Variants in PDE4D observed in about 807,000 individuals in gnomAD.
PDE4D encodes 3',5'-cyclic-AMP phosphodiesterase 4D.
PDE4D carries 24 observed loss-of-function variants against 87.4 expected under a neutral mutation model. The ratio of observed to expected loss-of-function variants is 0.27; its 90% CI spans 0.20 to 0.39. The LOEUF is 0.39. PDE4D is among the 10% of genes least tolerant of loss of function. The pLI, the probability that PDE4D is intolerant of heterozygous loss-of-function variation, is 1.00. For missense variants in PDE4D, 714 were observed against 1,041.0 expected (o/e 0.69, Z 4.32); for synonymous variants, 384 against 383.2 (o/e 1.00, Z -0.02).
chr5:60,263,020 C>G (rs932106159), intron 1 of PDE4D, among the ~76,000 whole-genome samples: 1 of 152,206 alleles, frequency 6.6e-6, no homozygotes, highest in Non-Finnish European at 1.5e-5. Context: ...AAAACTCAGT[C>G]TTCACGATTG....
chr5:59,866,348 G>T (rs1216105856), intron 1 of PDE4D, among the ~76,000 whole-genome samples: 1 of 152,098 alleles, frequency 6.6e-6, no homozygotes, highest in Admixed American at 6.5e-5. Context: ...TCTAGTAAAA[G>T]AAATAATGGT....
intron 1 of PDE4D, among the ~76,000 whole-genome samples, chr5:59,513,527 G>A (rs769960277): frequency 2.2e-4 from 34 of 152,252 alleles, no homozygotes; most frequent in Admixed American, 5.2e-4. Context: ...TTTCACAAAT[G>A]AGGCAATTAA....
chr5:59,244,526 G>GTC (rs370073389), intron 1 of PDE4D, among the ~76,000 whole-genome samples: 2,050 of 149,388 alleles, frequency 0.014, 60 homozygotes, highest in African/African-American at 0.048. Context: ...TATCAGGTAG[G>GTC]TCTCTCTCTC....
upstream of PDE4D, chr5:60,491,288 A>G (rs1263261322): frequency 2.6e-5 from 4 of 151,436 alleles, no homozygotes; most frequent in Non-Finnish European, 5.9e-5. Flanking sequence ...TGTGGTCACT[A>G]TAAAGATAAA....
intron 1 of PDE4D, among the ~76,000 whole-genome samples, chr5:59,547,950 A>G (rs1040197247): frequency 4.6e-5 from 7 of 152,166 alleles, no homozygotes; most frequent in Non-Finnish European, 7.3e-5. Context: ...GTATGCTCTC[A>G]TGTCACAAGA....
intron 1 of PDE4D, among the ~76,000 whole-genome samples, chr5:60,455,636 C>T (rs1746413067): frequency 6.6e-6 from 1 of 152,052 alleles, no homozygotes; most frequent in African/African-American, 2.4e-5. Flanking sequence ...TTCAAGGAGA[C>T]AACTTTACAA....
At chr5:59,646,247 A>G (rs929179961) in intron 1 of PDE4D, among the ~76,000 whole-genome samples, 12 of 152,220 alleles carry the variant, frequency 7.9e-5, no homozygotes, top group African/African-American at 1.2e-4. Context: ...ATAAGACATC[A>G]GTTGGTATAA....
intron 1 of PDE4D, among the ~76,000 whole-genome samples, chr5:59,483,931 A>G (rs781024949): frequency 3.0e-4 from 46 of 152,232 alleles, no homozygotes; most frequent in Non-Finnish European, 5.7e-4. Flanking sequence ...CATCACTAGC[A>G]TAAACATAAA....
intron 5 of PDE4D, among the ~76,000 whole-genome samples, chr5:59,167,925 A>T (rs974798931): frequency 6.6e-6 from 1 of 152,160 alleles, no homozygotes; most frequent in Non-Finnish European, 1.5e-5. Context: ...CAAGTTCTCT[A>T]TGTGGACAGT....
At chr5:58,983,866 C>T (rs1009996949) in intron 11 of PDE4D, among the ~76,000 whole-genome samples, 2 of 152,192 alleles carry the variant, frequency 1.3e-5, no homozygotes, top group South Asian at 4.1e-4. Flanking sequence ...GAGTAACACA[C>T]ACAAAGAAGG....
upstream of PDE4D, chr5:59,893,765 G>A: frequency 3.0e-6 from 4 of 1,351,272 alleles, no homozygotes; most frequent in South Asian, 7.3e-5. Flanking sequence ...TCACTTGAAG[G>A]CGCCAGAGCC....
intron 1 of PDE4D, among the ~76,000 whole-genome samples, chr5:59,444,692 G>T (rs942130365): frequency 6.6e-6 from 1 of 152,012 alleles, no homozygotes; most frequent in Admixed American, 6.5e-5. Context: ...GGTGCCTGTA[G>T]TCCCAGCTAC....
exon 3 of PDE4D, chr5:59,988,579 A>G: frequency 1.3e-6 from 2 of 1,599,448 alleles, no homozygotes; most frequent in South Asian, 1.1e-5. Context: ...TCACTTTTCA[A>G]GTCAGCTTGT....
intron 5 of PDE4D, among the ~76,000 whole-genome samples, chr5:59,074,968 TATA>T (rs1765434781): frequency 6.6e-6 from 1 of 152,018 alleles, no homozygotes; most frequent in East Asian, 1.9e-4. Context: ...TAAGAGTAAG[TATA>T]ATAAGAGCTG....
chr5:59,400,621 A>C (rs1426960657), intron 1 of PDE4D, among the ~76,000 whole-genome samples: 1 of 150,382 alleles, frequency 6.6e-6, no homozygotes, highest in African/African-American at 2.5e-5. Context: ...ATTGGGAGAT[A>C]TACTTAATGC....
chr5:60,369,764 G>A (rs2149979834), intron 1 of PDE4D, among the ~76,000 whole-genome samples: 1 of 152,242 alleles, frequency 6.6e-6, no homozygotes, highest in East Asian at 1.9e-4. Flanking sequence ...GTAGGACGAA[G>A]ACCATATAAG....
rs769481058 is a variant in PDE4D, at chr5:60,265,940, G to T, written c.-89-80253C>A. On this transcript the variant is annotated intron_variant, in intron 1 of 16. Transcript: ENST00000502484. ...TACATTAGTGAACATAAGTTCACAA[G>T]AACAGGACAGAAGCTACAGAACTGC... Among the ~76,000 whole-genome samples the T allele has an allele frequency of 3.9e-4, 59 of 152,120 alleles. 1 individual carries two copies. The highest frequency in any genetic ancestry group is 1.0e-3 in the South Asian group (5 of 4,824).
At chr5:60,450,412 C>A (rs1160726260) in intron 1 of PDE4D, among the ~76,000 whole-genome samples, 1 of 152,070 alleles carries the variant, frequency 6.6e-6, no homozygotes, top group Admixed American at 6.6e-5. Flanking sequence ...CTATCCCCAG[C>A]CTAGTTTGGA....
At chr5:59,206,714 A>G (rs1320000020) in intron 2 of PDE4D, among the ~76,000 whole-genome samples, 1 of 152,202 alleles carries the variant, frequency 6.6e-6, no homozygotes, top group African/African-American at 2.4e-5. Context: ...CCTGGCATGG[A>G]GTAGGTGCTA....
Sources: allele counts gnomAD v4.1 joint callset (sites outside exome capture counted in the v4.1 genomes callset), GRCh38; gene constraint gnomAD v4.1.1; transcripts MANE v1.5; gene names NCBI Gene and HGNC (gene_info 2026-07-23, HGNC 2026-07-21).